The following DPP10 variants were observed in gnomAD, a reference collection of about 807,000 sequenced individuals.
DPP10 encodes inactive dipeptidyl peptidase 10.
A neutral mutation model predicts 120.9 loss-of-function variants in DPP10; 33 were observed. The ratio of observed to expected loss-of-function variants is 0.27; its 90% CI spans 0.21 to 0.37. The LOEUF (loss-of-function observed/expected upper bound fraction) is 0.37. Among genes scored for constraint, DPP10 ranks in the 10% least tolerant of loss-of-function variants. The pLI is 1.00. For missense variants in DPP10, 816 were observed against 942.8 expected (o/e 0.87, Z 1.76); for synonymous variants, 337 against 326.1 (o/e 1.03, Z -0.36).
At chr2:114,793,311 A>T (rs947079932) in intron 1 of DPP10, among the ~76,000 whole-genome samples, 5 of 151,614 alleles carry the variant, frequency 3.3e-5, no homozygotes, top group African/African-American at 1.2e-4. Flanking sequence ...CCCCACCCCC[A>T]GACAAGCCCC....
intron 1 of DPP10, among the ~76,000 whole-genome samples, chr2:114,850,026 T>C (rs1688831983): frequency 7.0e-6 from 1 of 143,846 alleles, no homozygotes; most frequent in African/African-American, 2.5e-5. Context: ...CCCTTCCCTT[T>C]CCTTCCCTTT....
intron 1 of DPP10, among the ~76,000 whole-genome samples, chr2:114,934,804 T>G (rs1384116002): frequency 6.6e-6 from 1 of 152,228 alleles, no homozygotes; most frequent in East Asian, 1.9e-4. Context: ...AGGAGGTAAG[T>G]GAAATAATGG....
At chr2:115,116,330 A>T (rs2049502591) in intron 1 of DPP10, among the ~76,000 whole-genome samples, 1 of 152,198 alleles carries the variant, frequency 6.6e-6, no homozygotes, top group South Asian at 2.1e-4. Context: ...TCAGAAGTCT[A>T]TTGAAAACGC....
At chr2:115,235,221 A>T (rs2057936306) in intron 1 of DPP10, among the ~76,000 whole-genome samples, 1 of 152,182 alleles carries the variant, frequency 6.6e-6, no homozygotes, top group Non-Finnish European at 1.5e-5. Context: ...TGAGCTGGAT[A>T]TAGTTTACTG....
intron 11 of DPP10, among the ~76,000 whole-genome samples, chr2:115,759,688 T>C (rs1472890421): frequency 1.6e-5 from 2 of 126,626 alleles, no homozygotes; most frequent in African/African-American, 5.9e-5. Flanking sequence ...CACACACACA[T>C]ATATATACAC....
intron 1 of DPP10, among the ~76,000 whole-genome samples, chr2:114,930,900 T>G (rs934969052): frequency 1.3e-5 from 2 of 152,176 alleles, no homozygotes; most frequent in African/African-American, 4.8e-5. Context: ...TATTAACTAC[T>G]GCAAGAATGG....
intron 1 of DPP10, among the ~76,000 whole-genome samples, chr2:115,306,149 A>G (rs1388266854): frequency 6.6e-6 from 1 of 152,058 alleles, no homozygotes; most frequent in Non-Finnish European, 1.5e-5. Flanking sequence ...CTAGCTCTCA[A>G]GTAGCGGAGT....
chr2:114,757,731 C>G (rs1457548907), intron 1 of DPP10, among the ~76,000 whole-genome samples: 1 of 152,148 alleles, frequency 6.6e-6, no homozygotes, highest in Non-Finnish European at 1.5e-5. Context: ...ATTCTCACAA[C>G]CTGCCCCAGA....
At chr2:115,330,629 A>G (rs1218717415) in intron 2 of DPP10, among the ~76,000 whole-genome samples, 1 of 151,984 alleles carries the variant, frequency 6.6e-6, no homozygotes, top group Non-Finnish European at 1.5e-5. Flanking sequence ...TAAGGAAGGG[A>G]TCCAGTTTCA....
intron 5 of DPP10, among the ~76,000 whole-genome samples, chr2:115,688,780 A>C (rs769136447): frequency 1.4e-4 from 22 of 152,298 alleles, no homozygotes; most frequent in Non-Finnish European, 2.8e-4. Context: ...ATGGGTCATG[A>C]GTTCTGCAGT....
chr2:114,804,894 GAGGGGCC>G (rs1684586235), intron 1 of DPP10, among the ~76,000 whole-genome samples: 1 of 152,116 alleles, frequency 6.6e-6, no homozygotes, highest in African/African-American at 2.4e-5. Context: ...ATGAGATTTG[GAGGGGCC>G]AGGGCGGAAT....
At chr2:115,212,415 A>C (rs1443070799) in intron 1 of DPP10, among the ~76,000 whole-genome samples, 1 of 152,178 alleles carries the variant, frequency 6.6e-6, no homozygotes, top group Non-Finnish European at 1.5e-5. Context: ...GCCTTAAGTT[A>C]CTATAGTCAA....
At chr2:115,440,025 A>G (rs368276144) in intron 3 of DPP10, among the ~76,000 whole-genome samples, 1 of 152,022 alleles carries the variant, frequency 6.6e-6, no homozygotes, top group African/African-American at 2.4e-5. Context: ...AGGTGCTACT[A>G]TTTCTTAATT....
intron 1 of DPP10, among the ~76,000 whole-genome samples, chr2:114,505,051 CAAAAAAA>C (rs3061538): frequency 6.7e-5 from 3 of 44,896 alleles, no homozygotes; most frequent in Non-Finnish European, 1.3e-4. Flanking sequence ...GACTCTGTCT[CAAAAAAA>C]AAAAAAAAAA....
chr2:115,736,024 T>C (rs1676453799), intron 8 of DPP10, among the ~76,000 whole-genome samples: 1 of 152,088 alleles, frequency 6.6e-6, no homozygotes, highest in Non-Finnish European at 1.5e-5. Context: ...TGTTTTGTCT[T>C]TTTTTGGGGG....
chr2:115,061,231 A>G (rs938909394), intron 1 of DPP10, among the ~76,000 whole-genome samples: 2 of 152,214 alleles, frequency 1.3e-5, no homozygotes, highest in African/African-American at 4.8e-5. Flanking sequence ...CTTGTTTAAG[A>G]AGTGTCTGAC....
At chr2:115,833,038 G>A (rs1156691874) in intron 21 of DPP10, among the ~76,000 whole-genome samples, 1 of 152,114 alleles carries the variant, frequency 6.6e-6, no homozygotes, top group Non-Finnish European at 1.5e-5. Context: ...TTTGAATTAA[G>A]TTAGAAGTTA....
intron 5 of DPP10, among the ~76,000 whole-genome samples, chr2:115,650,885 G>A (rs554669638): frequency 6.6e-5 from 10 of 151,946 alleles, no homozygotes; most frequent in East Asian, 3.9e-4. Flanking sequence ...AATGTCCAAC[G>A]AAGGGAAGAG....
chr2:115,216,361 A>G (rs760482509), intron 1 of DPP10, among the ~76,000 whole-genome samples: 14 of 152,328 alleles, frequency 9.2e-5, no homozygotes, highest in African/African-American at 2.9e-4. Flanking sequence ...TGATGTTTAC[A>G]TGGAAAAATT....
Sources: gnomAD v4.1 joint callset for allele counts (sites outside exome capture counted in the v4.1 genomes callset) on GRCh38, gnomAD v4.1.1 for gene constraint, MANE v1.5 for transcripts, NCBI Gene and HGNC (gene_info 2026-07-23, HGNC 2026-07-21) for gene names.